The following RIT2 variants were observed in gnomAD, a reference collection of about 807,000 sequenced individuals.
The protein encoded by RIT2 is Ras like without CAAX 2.
A neutral mutation model predicts 23.7 loss-of-function variants in RIT2; 24 were observed. The ratio of observed to expected loss-of-function variants is 1.01; its 90% CI spans 0.73 to 1.43. The LOEUF is 1.43. RIT2 is among the 40% of genes most tolerant of loss of function. The pLI, the probability that RIT2 is intolerant of heterozygous loss-of-function variation, is 0.00. For missense variants in RIT2, 236 were observed against 266.9 expected, an observed-to-expected ratio of 0.88 and a Z score of 0.81; for synonymous variants, 107 against 91.1, an observed-to-expected ratio of 1.17 and a Z score of -0.99.
chr18:43,017,318 TCTCA>T (rs1479423296), intron 2 of RIT2, among the ~76,000 whole-genome samples: 5 of 152,102 alleles, frequency 3.3e-5, no homozygotes, highest in South Asian at 2.1e-4. Flanking sequence ...ATACTTTTCT[TCTCA>T]CTCTAATTAT....
At chr18:43,022,097 C>T (rs925201686) in intron 2 of RIT2, among the ~76,000 whole-genome samples, 1 of 152,062 alleles carries the variant, frequency 6.6e-6, no homozygotes, top group Non-Finnish European at 1.5e-5. Context: ...AAACGTGATA[C>T]ATAAACACAA....
chr18:42,992,346 G>A (rs1004463466), intron 2 of RIT2, among the ~76,000 whole-genome samples: 18 of 152,048 alleles, frequency 1.2e-4, no homozygotes, highest in Non-Finnish European at 2.2e-4. Context: ...AATTCTTGTC[G>A]TAAAATGGGC....
intron 3 of RIT2, among the ~76,000 whole-genome samples, chr18:42,939,753 A>C (rs968383031): frequency 5.3e-5 from 8 of 152,148 alleles, no homozygotes; most frequent in African/African-American, 1.9e-4. Flanking sequence ...TTACAAACAG[A>C]GGTCTCCCTT....
intron 4 of RIT2, among the ~76,000 whole-genome samples, chr18:42,807,928 A>G (rs1905730025): frequency 6.6e-6 from 1 of 152,058 alleles, no homozygotes; most frequent in Non-Finnish European, 1.5e-5. Context: ...AGGCTTTCTG[A>G]TTATCCTGGC....
chr18:42,945,348 T>C (rs1909703377), intron 3 of RIT2, among the ~76,000 whole-genome samples: 1 of 152,100 alleles, frequency 6.6e-6, no homozygotes, highest in Admixed American at 6.6e-5. Flanking sequence ...ATCTAGCTTT[T>C]TTTTTTTTAA....
At chr18:42,759,173 G>C (rs1003518731) in intron 4 of RIT2, among the ~76,000 whole-genome samples, 2 of 152,090 alleles carry the variant, frequency 1.3e-5, no homozygotes, top group Non-Finnish European at 2.9e-5. Context: ...ATAAGCTTAA[G>C]GGTCATCTTT....
intron 2 of RIT2, among the ~76,000 whole-genome samples, chr18:43,018,264 GA>G (rs951569180): frequency 1.3e-5 from 2 of 152,020 alleles, no homozygotes; most frequent in African/African-American, 4.8e-5. Context: ...AATTGACTGT[GA>G]CACTATTAGA....
intron 2 of RIT2, among the ~76,000 whole-genome samples, chr18:43,010,013 A>G (rs945017750): frequency 3.3e-5 from 5 of 151,772 alleles, no homozygotes; most frequent in African/African-American, 1.2e-4. Context: ...ATGTTTGTTC[A>G]TTTGTTCCAG....
At chr18:42,813,488 TA>T (rs1042009277) in intron 4 of RIT2, among the ~76,000 whole-genome samples, 2 of 152,090 alleles carry the variant, frequency 1.3e-5, no homozygotes, top group Non-Finnish European at 2.9e-5. Flanking sequence ...ATATAAAAAT[TA>T]GGAAAATAAT....
chr18:43,006,717 A>G (rs1026174780), intron 2 of RIT2, among the ~76,000 whole-genome samples: 2 of 151,626 alleles, frequency 1.3e-5, no homozygotes, highest in Admixed American at 1.3e-4. Flanking sequence ...ACATGCAAAG[A>G]AGTTCCAAAA....
intron 1 of RIT2, among the ~76,000 whole-genome samples, chr18:43,038,951 G>T (rs1161105947): frequency 6.6e-6 from 1 of 151,910 alleles, no homozygotes; most frequent in Admixed American, 6.6e-5. Flanking sequence ...GAGGATCATA[G>T]AAGTAATTGT....
intron 3 of RIT2, among the ~76,000 whole-genome samples, chr18:42,949,272 G>T (rs1464809181): frequency 6.6e-6 from 1 of 152,056 alleles, no homozygotes; most frequent in African/African-American, 2.4e-5. Context: ...GAATAAAGGA[G>T]TCAGTCTAAA....
At chr18:42,867,381 G>A (rs970237674) in intron 4 of RIT2, among the ~76,000 whole-genome samples, 1 of 152,038 alleles carries the variant, frequency 6.6e-6, no homozygotes, top group East Asian at 1.9e-4. Context: ...GATGCAACTG[G>A]TCTGGGAACC....
chr18:43,082,646 G>A (rs2144349495), intron 1 of RIT2, among the ~76,000 whole-genome samples: 1 of 151,970 alleles, frequency 6.6e-6, no homozygotes, highest in Middle Eastern at 3.4e-3. Flanking sequence ...TATTTCAATA[G>A]ATGCAGAAAA....
At chr18:42,850,076 CGTGT>C (rs60962443) in intron 4 of RIT2, among the ~76,000 whole-genome samples, 2,272 of 142,702 alleles carry the variant, frequency 0.016, 48 homozygotes, top group African/African-American at 0.052. Context: ...AAAATACACC[CGTGT>C]GTGTGTGTGT....
At chr18:42,910,584 AG>A (rs1327452648) in intron 4 of RIT2, among the ~76,000 whole-genome samples, 1 of 152,220 alleles carries the variant, frequency 6.6e-6, no homozygotes, top group East Asian at 1.9e-4. Context: ...GAGGAACAGA[AG>A]AGTGGCAAAG....
At chr18:42,778,387 T>C (rs1913727137) in intron 4 of RIT2, among the ~76,000 whole-genome samples, 1 of 152,190 alleles carries the variant, frequency 6.6e-6, no homozygotes, top group Non-Finnish European at 1.5e-5. Flanking sequence ...TTTAAATCTA[T>C]TAACTCTGTA....
At chr18:42,962,484 A>G (rs1180473392) in intron 3 of RIT2, among the ~76,000 whole-genome samples, 4 of 152,180 alleles carry the variant, frequency 2.6e-5, no homozygotes, top group African/African-American at 9.7e-5. Context: ...AGAGAATAGC[A>G]TTTTCAGATA....
chr18:42,845,535 C>A (rs1381044817), intron 4 of RIT2, among the ~76,000 whole-genome samples: 1 of 150,298 alleles, frequency 6.7e-6, no homozygotes, highest in African/African-American at 2.4e-5. Flanking sequence ...ATACATTGCG[C>A]CCAATAACTG....
Sources: gnomAD v4.1 joint callset for allele counts (sites outside exome capture counted in the v4.1 genomes callset) on GRCh38, gnomAD v4.1.1 for gene constraint, MANE v1.5 for transcripts, NCBI Gene and HGNC (gene_info 2026-07-23, HGNC 2026-07-21) for gene names.